The following XKR4 variants were observed in gnomAD, a reference collection of about 807,000 sequenced individuals.
The protein encoded by XKR4 is XK-related protein 4.
In XKR4, 12 loss-of-function variants were observed where a neutral mutation model predicts 53.9. That is an observed-to-expected ratio of 0.22 (90% confidence interval 0.14 to 0.36). The LOEUF (loss-of-function observed/expected upper bound fraction) is 0.36. Ranked by LOEUF, XKR4 falls within the 10% of genes least tolerant of loss-of-function variation. The pLI, the probability that XKR4 is intolerant of heterozygous loss-of-function variation, is 1.00. For synonymous variants in XKR4, 354 were observed against 362.4 expected (o/e 0.98, Z 0.26); for missense variants, 799 against 859.5 (o/e 0.93, Z 0.88).
intron 1 of XKR4, among the ~76,000 whole-genome samples, chr8:55,219,911 A>T (rs1288145125): frequency 1.3e-5 from 2 of 152,048 alleles, no homozygotes; most frequent in Non-Finnish European, 2.9e-5. Flanking sequence ...TACTCCAAAA[A>T]TTTTCTAGGA....
At chr8:55,204,967 T>C (rs553525702) in intron 1 of XKR4, among the ~76,000 whole-genome samples, 41 of 152,294 alleles carry the variant, frequency 2.7e-4, no homozygotes, top group African/African-American at 9.4e-4. Flanking sequence ...CCTTGGTGCC[T>C]GGCTAGGCAC....
At chr8:55,183,869 C>G (rs1817344083) in intron 1 of XKR4, among the ~76,000 whole-genome samples, 1 of 152,154 alleles carries the variant, frequency 6.6e-6, no homozygotes, top group Non-Finnish European at 1.5e-5. Flanking sequence ...TTGCCTATTT[C>G]TCTTTTCAGT....
At chr8:55,229,670 G>A (rs899875359) in intron 1 of XKR4, among the ~76,000 whole-genome samples, 1 of 152,118 alleles carries the variant, frequency 6.6e-6, no homozygotes, top group Non-Finnish European at 1.5e-5. Flanking sequence ...TTCTGTCACG[G>A]ATGTATTACT....
intron 1 of XKR4, among the ~76,000 whole-genome samples, chr8:55,274,465 C>T (rs1185939313): frequency 6.6e-6 from 1 of 151,000 alleles, no homozygotes; most frequent in Non-Finnish European, 1.5e-5. Context: ...CTGAGTCTCG[C>T]TCTGTCACCC....
intron 1 of XKR4, among the ~76,000 whole-genome samples, chr8:55,326,967 T>A (rs2129380201): frequency 6.6e-6 from 1 of 152,112 alleles, no homozygotes; most frequent in Non-Finnish European, 1.5e-5. Flanking sequence ...AGGAAACCTC[T>A]CTCCCTTGCT....
At chr8:55,198,438 T>C (rs1817532254) in intron 1 of XKR4, among the ~76,000 whole-genome samples, 1 of 152,086 alleles carries the variant, frequency 6.6e-6, no homozygotes, top group African/African-American at 2.4e-5. Context: ...TTATTGATGG[T>C]CTAAGTCAAG....
At chr8:55,356,787 G>T (rs536142177) in intron 1 of XKR4, among the ~76,000 whole-genome samples, 12 of 152,232 alleles carry the variant, frequency 7.9e-5, no homozygotes, top group African/African-American at 2.6e-4. Context: ...TTTGAACTGT[G>T]CAGGTCTACT....
At chr8:55,376,120 G>A (rs559190733) in intron 2 of XKR4, among the ~76,000 whole-genome samples, 34 of 152,142 alleles carry the variant, frequency 2.2e-4, no homozygotes, top group African/African-American at 7.5e-4. Context: ...TTCTCTAACC[G>A]TTCTATCATT....
intron 1 of XKR4, among the ~76,000 whole-genome samples, chr8:55,309,248 C>T (rs1237647785): frequency 1.3e-5 from 2 of 152,228 alleles, no homozygotes; most frequent in Non-Finnish European, 1.5e-5. Context: ...AAAGCACCAA[C>T]ACTCACAACA....
At chr8:55,401,979 C>T (rs756322903) in intron 2 of XKR4, among the ~76,000 whole-genome samples, 1 of 152,022 alleles carries the variant, frequency 6.6e-6, no homozygotes, top group African/African-American at 2.4e-5. Flanking sequence ...ACTATTGATA[C>T]AAAAAAATTA....
chr8:55,376,165 T>C (rs1804149646), intron 2 of XKR4, among the ~76,000 whole-genome samples: 1 of 152,216 alleles, frequency 6.6e-6, no homozygotes, highest in Non-Finnish European at 1.5e-5. Context: ...GTCTTTGCTA[T>C]TGTGAATAGT....
chr8:55,175,906 T>G (rs1179736671), intron 1 of XKR4, among the ~76,000 whole-genome samples: 1 of 152,218 alleles, frequency 6.6e-6, no homozygotes, highest in African/African-American at 2.4e-5. Context: ...GTAAGACCCA[T>G]CAGACTAGTT....
chr8:55,492,158 A>G (rs1806281977), intron 2 of XKR4, among the ~76,000 whole-genome samples: 1 of 152,046 alleles, frequency 6.6e-6, no homozygotes. Flanking sequence ...TTTTCTTTCT[A>G]TTTAAGATAC....
chr8:55,382,642 GA>G (rs1262180050), intron 2 of XKR4, among the ~76,000 whole-genome samples: 1 of 152,166 alleles, frequency 6.6e-6, no homozygotes, highest in African/African-American at 2.4e-5. Context: ...TTAAGGGGGG[GA>G]AATTCGTCTG....
rs1284078314 is a variant in XKR4, at chr8:55,163,208, C to A, written c.806+59914C>A. On this transcript the variant is annotated intron_variant, in intron 1 of 2. Coordinates refer to ENST00000327381, the MANE Select transcript of XKR4 (RefSeq NM_052898.2). ...AATTCTTTGAACTTAAGCCTCTGAT[C>A]TCTGTTAACATGAAGATAACCCTGG... Among the ~76,000 whole-genome samples the A allele has an allele frequency of 7.9e-5, 12 of 152,298 alleles. No individual in the cohort carries two copies. In the East Asian group the frequency reaches 1.4e-3, roughly 17 times the overall value.
chr8:55,392,528 C>T (rs1324888657), intron 2 of XKR4, among the ~76,000 whole-genome samples: 1 of 152,182 alleles, frequency 6.6e-6, no homozygotes, highest in Non-Finnish European at 1.5e-5. Flanking sequence ...TGGTGGTTCA[C>T]GCCTATAATC....
chr8:55,494,516 G>A (rs1390306070), intron 2 of XKR4, among the ~76,000 whole-genome samples: 1 of 152,202 alleles, frequency 6.6e-6, no homozygotes, highest in East Asian at 1.9e-4. Context: ...GAGAAGTGGA[G>A]GGCGAGCAAG....
At chr8:55,292,867 T>G (rs896759599) in intron 1 of XKR4, among the ~76,000 whole-genome samples, 4 of 152,226 alleles carry the variant, frequency 2.6e-5, no homozygotes, top group African/African-American at 9.6e-5. Flanking sequence ...ATTTTTTAAT[T>G]TCTTTTGAAA....
chr8:55,226,867 C>A (rs930518335), intron 1 of XKR4, among the ~76,000 whole-genome samples: 1 of 152,198 alleles, frequency 6.6e-6, no homozygotes, highest in South Asian at 2.1e-4. Context: ...TACCCAGGAG[C>A]CTTTACCAGC....
Sources: gnomAD v4.1 joint callset for allele counts (sites outside exome capture counted in the v4.1 genomes callset) on GRCh38, gnomAD v4.1.1 for gene constraint, MANE v1.5 for transcripts, NCBI Gene and HGNC (gene_info 2026-07-23, HGNC 2026-07-21) for gene names.